KIAA1549: variants seen among roughly 807,000 people sequenced by gnomAD.
The protein encoded by KIAA1549 is UPF0606 protein KIAA1549.
KIAA1549 carries 70 observed loss-of-function variants against 156.4 expected under a neutral mutation model. The observed-to-expected ratio is 0.45, with a 90% CI of 0.37 to 0.55. The LOEUF (loss-of-function observed/expected upper bound fraction) is 0.55, where lower values mean the gene tolerates loss of function less well. Among genes scored for constraint, KIAA1549 ranks in the 20% least tolerant of loss-of-function variants. The pLI, the probability that KIAA1549 is intolerant of heterozygous loss-of-function variation, is 0.00. For synonymous variants in KIAA1549, 1,103 were observed against 1,066.4 expected (o/e 1.03, Z -0.67); for missense variants, 2,428 against 2,540.9 (o/e 0.96, Z 0.96).
chr7:138,847,760 C>T (rs959035565), intron 17 of KIAA1549, among the ~76,000 whole-genome samples: 4 of 152,158 alleles, frequency 2.6e-5, no homozygotes, highest in Admixed American at 2.0e-4. Flanking sequence ...ATCCATCTGT[C>T]GGTTTCCACA....
chr7:138,935,725 C>A (rs550232508), intron 1 of KIAA1549, among the ~76,000 whole-genome samples: 1 of 152,180 alleles, frequency 6.6e-6, no homozygotes, highest in Non-Finnish European at 1.5e-5. Context: ...CCACTGCCTC[C>A]CTGGGGGGTA....
At position 138,835,978 on chromosome 7, in the gene KIAA1549, T is replaced by TTC. The variant is rs1809695167; in HGVS notation, c.*1927_*1928insGA. 4.7e-6 allele frequency: 1 copy of TTC among 211,112 alleles called. No homozygotes were observed. The highest frequency in any genetic ancestry group is 9.6e-6 in the Non-Finnish European group (1 of 104,160). 13.1% of individuals were successfully genotyped at this position (211,112 alleles called of 1,614,324 possible). ...CCCAGAACCAACTTCCCTCATATTGTAAGACTCTAAATCTGTACAACAGGC... is the reference window on the plus strand; with the variant it reads ...CCCAGAACCAACTTCCCTCATATTGTTCAAGACTCTAAATCTGTACAACAGGC... On this transcript the variant is annotated 3_prime_UTR_variant, in exon 20 of 20. Transcript: ENST00000422774.
chr7:138,965,190 G>A (rs566578805), intron 1 of KIAA1549, among the ~76,000 whole-genome samples: 2 of 152,258 alleles, frequency 1.3e-5, no homozygotes, highest in East Asian at 3.9e-4. Flanking sequence ...AGACCGGAAG[G>A]AAGGGGAGTC....
intron 10 of KIAA1549, among the ~76,000 whole-genome samples, chr7:138,892,810 C>A (rs1584735381): frequency 6.6e-6 from 1 of 152,230 alleles, no homozygotes; most frequent in Non-Finnish European, 1.5e-5. Flanking sequence ...ATTTTTCATA[C>A]CCAAGACAAC....
chr7:138,844,046 T>C (rs549125920), intron 18 of KIAA1549, among the ~76,000 whole-genome samples: 3 of 152,252 alleles, frequency 2.0e-5, no homozygotes, highest in South Asian at 2.1e-4. Flanking sequence ...ATCTTTCCAT[T>C]TACAGTAAGG....
At chr7:138,964,218 TG>T (rs1813945911) in intron 1 of KIAA1549, among the ~76,000 whole-genome samples, 1 of 152,178 alleles carries the variant, frequency 6.6e-6, no homozygotes, top group Non-Finnish European at 1.5e-5. Flanking sequence ...TGGCTCTGAC[TG>T]GGGCTCTGTC....
chr7:138,918,950 C>A lies in KIAA1549; in HGVS notation c.676G>T (p.Ala226Ser), dbSNP rs202110418. 427 of 1,614,014 alleles carry A rather than the reference C, an allele frequency of 2.6e-4. 6 individuals carry two copies. In the African/African-American group the frequency reaches 4.3e-3, roughly 16 times the overall value. ...GACCGAAAGGTGTGGAAATGACTGG[C>A]GGACTCAGCATATGCCGCTGGTTGT... ...TRQPAAYAES[A>S]SHFHTFRSAF... is the part of the protein sequence containing the mutation. Residue 226 changes from alanine to serine, a missense_variant, in exon 2 of 20, where the codon GCC becomes TCC. Physicochemically the swap from Ala to Ser is moderately conservative, Grantham distance 99. Coordinates refer to ENST00000422774, the MANE Select transcript of KIAA1549 (RefSeq NM_001164665.2). This position sits in a 1 kb window ranked among gnomAD's most constrained non-coding sequence, Gnocchi z 4.2.
intron 1 of KIAA1549, among the ~76,000 whole-genome samples, chr7:138,944,114 A>ACCAT (rs1813274861): frequency 6.6e-6 from 1 of 150,758 alleles, no homozygotes; most frequent in Non-Finnish European, 1.5e-5. Context: ...TTTTAAGATT[A>ACCAT]CCATATACTG....
At chr7:138,848,074 G>T (rs766737948) in intron 17 of KIAA1549, among the ~76,000 whole-genome samples, 1 of 152,048 alleles carries the variant, frequency 6.6e-6, no homozygotes, top group Non-Finnish European at 1.5e-5. Flanking sequence ...TAGCAATTTT[G>T]CTAAATTCCC....
chr7:138,913,426 T>C (rs1466683037), intron 2 of KIAA1549, among the ~76,000 whole-genome samples: 2 of 152,348 alleles, frequency 1.3e-5, no homozygotes, highest in East Asian at 1.9e-4. Context: ...TAAAAATCTA[T>C]ACTAATAAGT....
intron 15 of KIAA1549, among the ~76,000 whole-genome samples, chr7:138,862,627 A>C (rs896363873): frequency 6.6e-6 from 1 of 152,190 alleles, no homozygotes; most frequent in East Asian, 1.9e-4. Flanking sequence ...TCTGGATCAC[A>C]AGAGTCATTA....
At chr7:138,871,081 TGCTGG>T in intron 13 of KIAA1549, 71 bp downstream of exon 13, 1 of 1,399,554 alleles carries the variant, frequency 7.1e-7, no homozygotes, top group Non-Finnish European at 9.8e-7. Context: ...CCCCCCCAAG[TGCTGG>T]GATTACAGGC....
chr7:138,932,198 A>G (rs1390451236), intron 1 of KIAA1549, among the ~76,000 whole-genome samples: 1 of 152,256 alleles, frequency 6.6e-6, no homozygotes, highest in Non-Finnish European at 1.5e-5. Context: ...CTCTATGAAC[A>G]GTCAATTCAC....
intron 15 of KIAA1549, among the ~76,000 whole-genome samples, chr7:138,863,276 C>A (rs553088847): frequency 2.6e-5 from 4 of 151,442 alleles, no homozygotes; most frequent in Non-Finnish European, 5.9e-5. Flanking sequence ...TCACTTGCCA[C>A]GTGCCTGCAG....
At chr7:138,890,330 T>C (rs140805112) in intron 10 of KIAA1549, among the ~76,000 whole-genome samples, 7 of 152,308 alleles carry the variant, frequency 4.6e-5, no homozygotes, top group East Asian at 1.9e-4. Context: ...GAGATGACAA[T>C]AGAAACACAG....
At chr7:138,951,478 C>A (rs1230737384) in intron 1 of KIAA1549, among the ~76,000 whole-genome samples, 1 of 152,200 alleles carries the variant, frequency 6.6e-6, no homozygotes, top group South Asian at 2.1e-4. Context: ...TCTCCCCGCA[C>A]GTTCTCTCTG....
intron 11 of KIAA1549, among the ~76,000 whole-genome samples, chr7:138,880,916 G>A (rs1563060889): frequency 6.6e-6 from 1 of 152,186 alleles, no homozygotes; most frequent in South Asian, 2.1e-4. Context: ...AAACGCAGGA[G>A]GATGTGATGA....
chr7:138,917,347 A>G lies in KIAA1549; in HGVS notation c.2279T>C (p.Ile760Thr). Residue 760 changes from isoleucine to threonine, a missense_variant, in exon 2 of 20, where the codon ATT (isoleucine) becomes ACT (threonine). Ile to Thr is a moderately conservative substitution (Grantham distance 89). Coordinates refer to ENST00000422774, the MANE Select transcript of KIAA1549 (RefSeq NM_001164665.2). ...ETTSYLESSL[I>T]SHESAVTALV... is the part of the protein sequence containing the mutation. ...TGCAGTGACTGCGGATTCATGGGAA[A>G]TGAGTGAAGACTCAAGATAGGAGGT... 2 of 1,613,974 alleles carry G rather than the reference A, an allele frequency of 1.2e-6. No homozygotes were observed. Among genetic ancestry groups the G allele is most frequent in the South Asian group, 2.2e-5 (2 of 91,074 alleles).
At chr7:138,972,771 C>T (rs1321697905) in intron 1 of KIAA1549, among the ~76,000 whole-genome samples, 2 of 152,074 alleles carry the variant, frequency 1.3e-5, no homozygotes, top group Non-Finnish European at 2.9e-5. Flanking sequence ...GGTAAATTAG[C>T]CATGAGGTCC....
Sources: allele counts gnomAD v4.1 joint callset (sites outside exome capture counted in the v4.1 genomes callset), GRCh38; gene constraint gnomAD v4.1.1; non-coding constraint Gnocchi (gnomAD v3.1); transcripts MANE v1.5; gene names NCBI Gene and HGNC (gene_info 2026-07-23, HGNC 2026-07-21).